FLRT1: variants seen among roughly 807,000 people sequenced by gnomAD.
FLRT1 encodes the protein leucine-rich repeat transmembrane protein FLRT1.
Under a neutral mutation model 30.9 loss-of-function variants are expected in FLRT1, and 14 were observed. The ratio of observed to expected loss-of-function variants is 0.45; its 90% CI spans 0.30 to 0.71. The LOEUF is 0.71. FLRT1 is among the 30% of genes least tolerant of loss of function. The pLI is 0.08. For synonymous variants in FLRT1, 368 were observed against 430.4 expected, an observed-to-expected ratio of 0.85 and a Z score of 1.80; for missense variants, 737 against 949.2, an observed-to-expected ratio of 0.78 and a Z score of 2.94.
In FLRT1 at chr11:64,118,594, G is replaced by GTT; in HGVS notation, c.*313_*314dup. The GTT allele has an allele frequency of 6.2e-5, 15 of 241,052 alleles. No homozygotes were observed. Among genetic ancestry groups the GTT allele is most frequent in the South Asian group, 4.5e-4 (4 of 8,814 alleles). The allele number at this position is 241,052 out of a possible 1,614,324, so 14.9% of individuals were successfully genotyped here. ...AATATTGCAGGCAGGGCTGGGTTGGGTTTTTTTTTTTTCCCCCCTGAACTG... is the reference window on the plus strand; with the variant it reads ...AATATTGCAGGCAGGGCTGGGTTGGGTTTTTTTTTTTTTTCCCCCCTGAACTG... On this transcript the variant is annotated 3_prime_UTR_variant, in exon 3 of 3. Coordinates refer to ENST00000682287, the MANE Select transcript of FLRT1 (RefSeq NM_013280.5).
chr11:64,112,944 T>C lies in FLRT1; in HGVS notation c.-49-3275T>C, dbSNP rs181662889. On this transcript the variant is annotated intron_variant, in intron 2 of 2. Transcript: ENST00000682287. ...CACCACGGCAGGGCCCATTCTGTCA[T>C]CGGGTGGTCACTGATGCAAAGCCAT... Among the ~76,000 whole-genome samples the C allele has an allele frequency of 5.9e-5, 9 of 152,342 alleles. No individual in the cohort carries two copies. In the East Asian group the frequency reaches 1.7e-3, roughly 29 times the overall value.
intron 1 of FLRT1, among the ~76,000 whole-genome samples, chr11:64,065,997 C>T (rs142045959): frequency 7.2e-5 from 11 of 151,944 alleles, no homozygotes; most frequent in African/African-American, 2.2e-4. Flanking sequence ...TGCCAAGTGG[C>T]TATAAAGATG....
chr11:64,079,652 G>A (rs974403794), intron 1 of FLRT1, among the ~76,000 whole-genome samples: 1 of 152,188 alleles, frequency 6.6e-6, no homozygotes, highest in Non-Finnish European at 1.5e-5. Flanking sequence ...CTCACTCAAA[G>A]CCTGTGGGAG....
chr11:64,054,989 G>A (rs1031722016), intron 1 of FLRT1, among the ~76,000 whole-genome samples: 2 of 151,938 alleles, frequency 1.3e-5, no homozygotes, highest in African/African-American at 2.4e-5. Flanking sequence ...CTTTCCTACC[G>A]CCACTACCAT....
Position 64,041,350 on chromosome 11 carries a change from C to A in FLRT1, c.-1038+5191C>A, listed in dbSNP as rs1482278019. Among the ~76,000 whole-genome samples the A allele has an allele frequency of 4.6e-5, 7 of 152,090 alleles. No homozygotes were observed. The South Asian group carries it at 1.5e-3, about 32-fold the overall frequency. On this transcript the variant is annotated intron_variant, in intron 1 of 2. Coordinates refer to ENST00000682287, the MANE Select transcript of FLRT1 (RefSeq NM_013280.5). Reference sequence around the variant, plus strand: ...ATTCCTGCTGCCCCCCACCCCTCCACCCCCCGTGACGCCTGGGAAATGCTG... The same window carrying A: ...ATTCCTGCTGCCCCCCACCCCTCCAACCCCCGTGACGCCTGGGAAATGCTG...
chr11:64,096,364 T>C lies in FLRT1; in HGVS notation c.-1037-6830T>C, dbSNP rs1268909862. 6.6e-6 allele frequency among the ~76,000 whole-genome samples: 1 copy of C among 151,540 alleles called. No homozygotes were observed. Among genetic ancestry groups the C allele is most frequent in the Non-Finnish European group, 1.5e-5 (1 of 67,942 alleles). On this transcript the variant is annotated intron_variant, in intron 1 of 2. Transcript: ENST00000682287. This position sits in a 1 kb window ranked among gnomAD's most constrained non-coding sequence, Gnocchi z 4.6. ...TCCCTAATGGGCACGGGCGACGCAT[T>C]ACAGTGAGGTCTGCCAGGTAGAGCT...
chr11:64,052,057 A>G (rs1404024363), intron 1 of FLRT1, among the ~76,000 whole-genome samples: 5 of 151,728 alleles, frequency 3.3e-5, no homozygotes, highest in African/African-American at 1.2e-4. Flanking sequence ...CATTTTGGGA[A>G]GGAGGAAGGC....
At chr11:64,086,124 G>A (rs1052829501) in intron 1 of FLRT1, among the ~76,000 whole-genome samples, 6 of 152,188 alleles carry the variant, frequency 3.9e-5, no homozygotes, top group African/African-American at 1.4e-4. Flanking sequence ...AGCACTGGTG[G>A]GGTGGGTGGC....
At chr11:64,095,940 C>T (rs1447552398) in intron 1 of FLRT1, among the ~76,000 whole-genome samples, 1 of 150,834 alleles carries the variant, frequency 6.6e-6, no homozygotes, top group Non-Finnish European at 1.5e-5. Flanking sequence ...GACAGCTCCT[C>T]GCTTTCTCCC....
At chr11:64,079,121 T>C (rs1590877417) in intron 1 of FLRT1, among the ~76,000 whole-genome samples, 1 of 135,104 alleles carries the variant, frequency 7.4e-6, no homozygotes, top group Admixed American at 7.4e-5. Context: ...TGGGGGGCGG[T>C]GGACGGGAGG....
At chr11:64,091,538 A>G (rs1275449666) in intron 1 of FLRT1, among the ~76,000 whole-genome samples, 3 of 152,076 alleles carry the variant, frequency 2.0e-5, no homozygotes, top group African/African-American at 2.4e-5. Flanking sequence ...GCTGAGGTGC[A>G]TGCCCAGGGA....
intron 1 of FLRT1, among the ~76,000 whole-genome samples, chr11:64,098,391 G>A (rs543359324): frequency 2.0e-5 from 3 of 152,202 alleles, no homozygotes; most frequent in Non-Finnish European, 2.9e-5. Context: ...CCCTCAGCCT[G>A]AAATGTTCTT....
chr11:64,100,537 A>C (rs1590907954), intron 1 of FLRT1, among the ~76,000 whole-genome samples: 2 of 152,222 alleles, frequency 1.3e-5, no homozygotes, highest in African/African-American at 4.8e-5. Flanking sequence ...CACTCGAGCC[A>C]GAAGGGTGGC....
chr11:64,106,161 T>C (rs1944759396), intron 2 of FLRT1, among the ~76,000 whole-genome samples: 2 of 152,056 alleles, frequency 1.3e-5, no homozygotes, highest in Non-Finnish European at 2.9e-5. Flanking sequence ...GTAGGAGACC[T>C]GGGAAGGGGA....
chr11:64,050,861 C>T (rs1213416344), intron 1 of FLRT1, among the ~76,000 whole-genome samples: 2 of 152,208 alleles, frequency 1.3e-5, no homozygotes, highest in Non-Finnish European at 2.9e-5. Flanking sequence ...TCAGGTGATC[C>T]GCCTGCCTTG....
chr11:64,106,944 C>T (rs912805306), intron 2 of FLRT1, among the ~76,000 whole-genome samples: 17 of 152,042 alleles, frequency 1.1e-4, no homozygotes, highest in Non-Finnish European at 2.1e-4. Flanking sequence ...TGCAGTGGCA[C>T]GATCTCTCGG....
intron 1 of FLRT1, among the ~76,000 whole-genome samples, chr11:64,086,634 TTCTG>T (rs929099342): frequency 1.3e-5 from 2 of 152,146 alleles, no homozygotes; most frequent in Non-Finnish European, 2.9e-5. Context: ...GCAGCCCCAC[TTCTG>T]TCTGAGACTC....
chr11:64,046,067 A>G (rs573190991), intron 1 of FLRT1, among the ~76,000 whole-genome samples: 6 of 150,736 alleles, frequency 4.0e-5, no homozygotes, highest in African/African-American at 1.5e-4. Context: ...CTTTTTACAC[A>G]TGAGGAAACT....
At chr11:64,109,024 T>C (rs1232650358) in intron 2 of FLRT1, among the ~76,000 whole-genome samples, 1 of 152,124 alleles carries the variant, frequency 6.6e-6, no homozygotes, top group African/African-American at 2.4e-5. Flanking sequence ...CATGTACTTG[T>C]CTTTCCTACA....
Sources: allele counts gnomAD v4.1 joint callset (sites outside exome capture counted in the v4.1 genomes callset), GRCh38; gene constraint gnomAD v4.1.1; non-coding constraint Gnocchi (gnomAD v3.1); transcripts MANE v1.5; gene names NCBI Gene and HGNC (gene_info 2026-07-23, HGNC 2026-07-21).